The following EPHA8 variants were observed in gnomAD, a reference collection of about 807,000 sequenced individuals.
EPHA8 encodes the protein ephrin type-A receptor 8.
In EPHA8, 58 loss-of-function variants were observed where a neutral mutation model predicts 103.6. That is an observed-to-expected ratio of 0.56 (90% CI 0.45 to 0.70). The LOEUF (loss-of-function observed/expected upper bound fraction) is 0.70, where lower values mean the gene tolerates loss of function less well. Among genes scored for constraint, EPHA8 ranks in the 30% least tolerant of loss-of-function variants. EPHA8 has a pLI of 0.00. For synonymous variants in EPHA8, 559 were observed against 572.5 expected (o/e 0.98, Z 0.34); for missense variants, 1,304 against 1,395.2 (o/e 0.93, Z 1.04).
Position 22,598,783 on chromosome 1 carries a change from A to C in EPHA8, c.2179-55A>C, listed in dbSNP as rs1471237944. On this transcript the variant is annotated intron_variant, in intron 12 of 16. Coordinates refer to ENST00000166244, the MANE Select transcript of EPHA8 (RefSeq NM_020526.5). The surrounding 1 kb of genome is among the most constrained non-coding windows in gnomAD (Gnocchi z 5.1). ...CTACAGATGGGAGGTGTTCCTGTTC[A>C]CGGACCAGGCGCCTCGCCGGGCTTT... is the stretch of plus-strand genomic sequence containing the variant. The C allele has an allele frequency of 6.4e-7, 1 of 1,573,602 alleles. No individual in the cohort carries two copies. Among genetic ancestry groups the C allele is most frequent in the Non-Finnish European group, 8.7e-7 (1 of 1,152,752 alleles).
intron 2 of EPHA8, among the ~76,000 whole-genome samples, chr1:22,572,715 G>A (rs1246905576): frequency 2.0e-5 from 3 of 152,228 alleles, no homozygotes; most frequent in Non-Finnish European, 4.4e-5. Flanking sequence ...CTCACCAAGC[G>A]CTGCACAGCT....
chr1:22,600,770 C>G lies in EPHA8; in HGVS notation c.2498C>G (p.Ala833Gly), dbSNP rs1426560003. 6.2e-7 allele frequency: 1 copy of G among 1,611,956 alleles called. No individual in the cohort carries two copies. The highest frequency in any genetic ancestry group is 8.5e-7 in the Non-Finnish European group (1 of 1,179,010). Residue 833 changes from alanine (A) to glycine (G), a missense_variant, in exon 14 of 17, where the codon GCC becomes GGC. Ala to Gly is a moderately conservative substitution (Grantham distance 60). Coordinates refer to ENST00000166244, the MANE Select transcript of EPHA8 (RefSeq NM_020526.5). ...GGCGTGGTCATGTGGGAGGTGCTGG[C>G]CTATGGGGAGCGGCCCTACTGGAAC... Reference protein sequence around the residue: ...SFGVVMWEVLAYGERPYWNMT... With the variant: ...SFGVVMWEVLGYGERPYWNMT...
chr1:22,573,935 C>T (rs940127523), intron 2 of EPHA8, among the ~76,000 whole-genome samples: 2 of 152,222 alleles, frequency 1.3e-5, no homozygotes, highest in Admixed American at 6.5e-5. Flanking sequence ...CCCTGCACTG[C>T]CTAGTCTGGT....
At chr1:22,575,494 C>A (rs1403608804) in intron 2 of EPHA8, among the ~76,000 whole-genome samples, 1 of 152,052 alleles carries the variant, frequency 6.6e-6, no homozygotes, top group Non-Finnish European at 1.5e-5. Context: ...GATATTAATC[C>A]CTTATCAGCT....
rs374010113 is a variant in EPHA8, at chr1:22,579,098, T to G, written c.823+2218T>G. Among the ~76,000 whole-genome samples the G allele has an allele frequency of 8.7e-3, 1,167 of 134,744 alleles. 14 individuals are homozygous for G. Among genetic ancestry groups the G allele is most frequent in the African/African-American group, 0.041 (1,074 of 26,036 alleles). 88.4% of individuals were successfully genotyped at this position (134,744 alleles called of 152,430 possible). A position where few individuals can be genotyped will look rare whatever the true frequency, so the allele number is the denominator to read the frequency against. On this transcript the variant is annotated intron_variant, in intron 3 of 16. Coordinates refer to ENST00000166244, the MANE Select transcript of EPHA8 (RefSeq NM_020526.5). The stretch of plus-strand genomic sequence containing the variant: ...GTGCATGTGTACGTGCATGTGTGCA[T>G]GTGTATGTGTGCATGTGTACGTGTA...
intron 3 of EPHA8, among the ~76,000 whole-genome samples, chr1:22,583,409 A>G (rs946113127): frequency 6.6e-6 from 1 of 152,226 alleles, no homozygotes; most frequent in African/African-American, 2.4e-5. Context: ...GGTGAGCCAC[A>G]GCGGCGCAGC....
intron 3 of EPHA8, among the ~76,000 whole-genome samples, chr1:22,580,517 C>G (rs1440782864): frequency 6.6e-6 from 1 of 152,168 alleles, no homozygotes; most frequent in African/African-American, 2.4e-5. Flanking sequence ...GCTCTAAACC[C>G]CAAAGCACCT....
At position 22,600,641 on chromosome 1, in the gene EPHA8, C is replaced by T; in HGVS notation, c.2389-20C>T. 1 of 1,611,850 alleles carries T rather than the reference C, an allele frequency of 6.2e-7. No homozygotes were observed. The highest frequency in any genetic ancestry group is 8.5e-7 in the Non-Finnish European group (1 of 1,179,300). On this transcript the variant is annotated intron_variant, in intron 13 of 16. Transcript: ENST00000166244. Reference sequence around the variant, plus strand: ...CTGCCAGGCCTGGGCAGCCCCTCAACTCTTGTGTGTCCGTCGCAGGGCGGG... The same window carrying T: ...CTGCCAGGCCTGGGCAGCCCCTCAATTCTTGTGTGTCCGTCGCAGGGCGGG...
In EPHA8 at chr1:22,596,150, A is replaced by G. The variant is rs138590921; in HGVS notation, c.1742A>G (p.Lys581Arg). Residue 581 changes from lysine to arginine, a missense_variant, in exon 9 of 17, where the codon AAG becomes AGG. By Grantham distance (26) the Lys-to-Arg change is conservative. Transcript: ENST00000166244. ...SKAFQDSDEEKMHYQNGQAPP... is the reference protein window; with the variant it reads ...SKAFQDSDEERMHYQNGQAPP... ...GCCTTCCAGGACTCGGACGAGGAGAAGATGCACTATCAGAATGGACAGGGT... is the reference window on the plus strand; with the variant it reads ...GCCTTCCAGGACTCGGACGAGGAGAGGATGCACTATCAGAATGGACAGGGT... 1.4e-5 allele frequency: 23 copies of G among 1,613,976 alleles called. No homozygotes were observed. The African/African-American group carries it at 2.5e-4, about 18-fold the overall frequency.
rs1641568804 is a variant in EPHA8 at position 22,597,914 on chromosome 1, AGGC to A, written c.2116+54_2116+56del. On this transcript the variant is annotated intron_variant, in intron 11 of 16. Transcript: ENST00000166244. The surrounding 1 kb of genome is among the most constrained non-coding windows in gnomAD (Gnocchi z 4.6). ...CCTGCAGTGCCCCTCCTGCCTGGAGAGGCCTCTGGGTCCATCCCCTCATCCATC... is the reference window on the plus strand; with the variant it reads ...CCTGCAGTGCCCCTCCTGCCTGGAGACTCTGGGTCCATCCCCTCATCCATC... 47 of 1,570,268 alleles carry A rather than the reference AGGC, an allele frequency of 3.0e-5. 2 individuals carry two copies. In the South Asian group the frequency reaches 5.5e-4, roughly 19 times the overall value.
rs187066665 is a variant in EPHA8, at chr1:22,589,323, C to G, written c.1315+117C>G. ...GCTGTGGGCCTTTAGGCAAGTGCCT[C>G]TCTGGCCCTGCGCTCCTCACCAGGA... On this transcript the variant is annotated intron_variant, in intron 5 of 16. Coordinates refer to ENST00000166244, the MANE Select transcript of EPHA8 (RefSeq NM_020526.5). The surrounding 1 kb of genome is among the most constrained non-coding windows in gnomAD (Gnocchi z 4.3). 2 of 1,609,742 alleles carry G rather than the reference C, an allele frequency of 1.2e-6. No individual in the cohort carries two copies. Among genetic ancestry groups the G allele is most frequent in the Non-Finnish European group, 8.5e-7 (1 of 1,178,900 alleles).
chr1:22,603,536 T>G lies in EPHA8; in HGVS notation c.*1795T>G, dbSNP rs1376498628. 1 of 152,464 alleles carries G rather than the reference T, an allele frequency of 6.6e-6. No homozygotes were observed. Among genetic ancestry groups the G allele is most frequent in the Non-Finnish European group, 1.5e-5 (1 of 68,044 alleles). 9.4% of individuals were successfully genotyped at this position (152,464 alleles called of 1,614,324 possible). A position where few individuals can be genotyped will look rare whatever the true frequency, so the allele number is the denominator to read the frequency against. The stretch of plus-strand genomic sequence containing the variant: ...AGGGTCCTGGGGATCTGCCTCTCTG[T>G]GGTCTCCATCCTGACTCTTGAACTT... On this transcript the variant is annotated 3_prime_UTR_variant, in exon 17 of 17. Transcript: ENST00000166244.
At chr1:22,590,560 G>A (rs1557573882) in intron 5 of EPHA8, among the ~76,000 whole-genome samples, 1 of 151,946 alleles carries the variant, frequency 6.6e-6, no homozygotes, top group Non-Finnish European at 1.5e-5. Flanking sequence ...CTTTTCTCTT[G>A]CTCGTGTGTC....
At chr1:22,577,854 GCGTA>G in intron 3 of EPHA8, among the ~76,000 whole-genome samples, 1 of 113,174 alleles carries the variant, frequency 8.8e-6, no homozygotes, top group East Asian at 2.6e-4. Context: ...ATGTGTGCAT[GCGTA>G]TGTATGCATT....
intron 5 of EPHA8, among the ~76,000 whole-genome samples, chr1:22,592,725 C>G (rs1641405494): frequency 6.6e-6 from 1 of 151,978 alleles, no homozygotes; most frequent in Non-Finnish European, 1.5e-5. Context: ...GCAGTTCCCT[C>G]TGTTTGGCTG....
At position 22,597,425 on chromosome 1, in the gene EPHA8, A is replaced by G. The variant is rs1357841927; in HGVS notation, c.1879A>G (p.Thr627Ala). The change falls in exon 10 of 17, where the codon ACT becomes GCT. Residue 627 changes from threonine to alanine, a missense_variant. Thr to Ala is a moderately conservative substitution (Grantham distance 58, BLOSUM62 0). Coordinates refer to ENST00000166244, the MANE Select transcript of EPHA8 (RefSeq NM_020526.5). This position sits in a 1 kb window ranked among gnomAD's most constrained non-coding sequence, Gnocchi z 4.6. ...GCCAGGCCGGGCGGGCCGCAGTTTCACTCGGGAGATCGAGGCCTCTAGGAT... is the reference window on the plus strand; with the variant it reads ...GCCAGGCCGGGCGGGCCGCAGTTTCGCTCGGGAGATCGAGGCCTCTAGGAT... ...EEPGRAGRSF[T>A]REIEASRIHI... 2.3e-5 allele frequency: 37 copies of G among 1,613,252 alleles called. No individual in the cohort carries two copies. The highest frequency in any genetic ancestry group is 3.1e-5 in the Non-Finnish European group (36 of 1,179,974).
At chr1:22,594,837 C>T (rs1419527637) in intron 7 of EPHA8, among the ~76,000 whole-genome samples, 1 of 152,198 alleles carries the variant, frequency 6.6e-6, no homozygotes, top group Non-Finnish European at 1.5e-5. Flanking sequence ...GCTGGGGTCT[C>T]TCTGGAAGGG....
chr1:22,578,401 AGT>A (rs1177209062), intron 3 of EPHA8, among the ~76,000 whole-genome samples: 21 of 88,860 alleles, frequency 2.4e-4, no homozygotes, highest in Non-Finnish European at 2.8e-4. Flanking sequence ...TGTCTGCATG[AGT>A]GTATGCATGT....
chr1:22,569,353 G>A lies in EPHA8; in HGVS notation c.159G>A (p.Gly53=), dbSNP rs1569946634. The A allele has an allele frequency of 2.5e-6, 4 of 1,591,840 alleles. No individual in the cohort carries two copies. The highest frequency in any genetic ancestry group is 3.4e-6 in the Non-Finnish European group (4 of 1,169,490). ...GCTGGCTCACGTATCCGGCTCATGG[G>A]GTGAGTGATGGGCACTGGGGACAAC... is the stretch of plus-strand genomic sequence containing the variant. The part of the protein sequence containing the change: ...DWGWLTYPAH[G]WDSINEVDES... Residue 53 remains glycine (G), a splice_region_variant and synonymous_variant, in exon 2 of 17, where the codon GGG becomes GGA. Coordinates refer to ENST00000166244, the MANE Select transcript of EPHA8 (RefSeq NM_020526.5). The surrounding 1 kb of genome is among the most constrained non-coding windows in gnomAD (Gnocchi z 4.5).
Sources: gnomAD v4.1 joint callset for allele counts (sites outside exome capture counted in the v4.1 genomes callset) on GRCh38, gnomAD v4.1.1 for gene constraint, Gnocchi (gnomAD v3.1) non-coding constraint, MANE v1.5 for transcripts, NCBI Gene and HGNC (gene_info 2026-07-23, HGNC 2026-07-21) for gene names.